Variants in DNAH6 observed in about 807,000 individuals in gnomAD.
DNAH6 encodes dynein axonemal heavy chain 6.
A neutral mutation model predicts 491.4 loss-of-function variants in DNAH6; 340 were observed. That is an observed-to-expected ratio of 0.69 (90% CI 0.63 to 0.76). The LOEUF is 0.76. Among genes scored for constraint, DNAH6 ranks in the 30% least tolerant of loss-of-function variants. The pLI, the probability that DNAH6 is intolerant of heterozygous loss-of-function variation, is 0.00. For missense variants in DNAH6, 4,443 were observed against 4,972.2 expected, an observed-to-expected ratio of 0.89 and a Z score of 3.20; for synonymous variants, 1,603 against 1,686.1, an observed-to-expected ratio of 0.95 and a Z score of 1.21.
At chr2:84,476,266 A>G in the DNAH6 span, among the ~76,000 whole-genome samples, 1 of 152,186 alleles carries the variant, frequency 6.6e-6, no homozygotes, top group Non-Finnish European at 1.5e-5. Context: ...TCCCTGCTGG[A>G]CTATAGTTAC....
chr2:84,464,982 G>A, the DNAH6 span, among the ~76,000 whole-genome samples: 27 of 152,042 alleles, frequency 1.8e-4, no homozygotes, highest in African/African-American at 6.0e-4. Context: ...CCTTTTATAA[G>A]AGAACCCTTA....
At chr2:84,642,743 T>C (rs1689541149) in intron 33 of DNAH6, among the ~76,000 whole-genome samples, 1 of 152,146 alleles carries the variant, frequency 6.6e-6, no homozygotes, top group Non-Finnish European at 1.5e-5. Flanking sequence ...AACAATCGTA[T>C]TTCTCCCTTC....
chr2:84,517,046 A>C (rs1675666402), intron 1 of DNAH6, among the ~76,000 whole-genome samples: 1 of 152,218 alleles, frequency 6.6e-6, no homozygotes, highest in Non-Finnish European at 1.5e-5. Flanking sequence ...TTGAAAATTA[A>C]AATTGCATAC....
At chr2:84,541,494 C>T (rs1028324025) in intron 4 of DNAH6, among the ~76,000 whole-genome samples, 1 of 152,112 alleles carries the variant, frequency 6.6e-6, no homozygotes, top group Non-Finnish European at 1.5e-5. Flanking sequence ...GCCATTGACA[C>T]ACACCATTAT....
rs991770968 is a variant in DNAH6, at chr2:84,793,981, A to T, written c.11240-2325A>T. Among the ~76,000 whole-genome samples the T allele has an allele frequency of 2.6e-5, 4 of 152,370 alleles. 1 individual carries two copies. Among genetic ancestry groups the T allele is most frequent in the Admixed American group, 6.5e-5 (1 of 15,312 alleles). ...ATGATACTGGTACCAAAACAGAGAT[A>T]TAGATCAATGGAACAGAACAGAGCC... On this transcript the variant is annotated intron_variant, in intron 68 of 76. Transcript: ENST00000389394.
At chr2:84,515,372 G>T (rs1373098526), upstream of DNAH6, among the ~76,000 whole-genome samples, 1 of 152,170 alleles carries the variant, frequency 6.6e-6, no homozygotes, top group Admixed American at 6.5e-5. Flanking sequence ...GCCTGACCTG[G>T]AGTAAAGCAC....
At chr2:84,560,116 C>A (rs1159992771) in intron 11 of DNAH6, among the ~76,000 whole-genome samples, 1 of 152,034 alleles carries the variant, frequency 6.6e-6, no homozygotes, top group Non-Finnish European at 1.5e-5. Context: ...GAGGATAGAG[C>A]AAACATTTAT....
In DNAH6 at chr2:84,637,338, AT is replaced by A. The variant is rs1368692592; in HGVS notation, c.4785del (p.Phe1595LeufsTer3). ...ATAATTTGAAAGCCCTGTTTAGACC[AT>A]TTGCGATGATGGTTCCAAATTATGC... is the stretch of plus-strand genomic sequence containing the variant. ...PDNLKALFRP[F>X]AMMVPNYALI... On this transcript the variant is annotated frameshift_variant, in exon 31 of 77. Transcript: ENST00000389394. LOFTEE classifies it high-confidence loss of function. 3 of 1,548,742 alleles carry A rather than the reference AT, an allele frequency of 1.9e-6. No individual in the cohort carries two copies. The highest frequency in any genetic ancestry group is 1.4e-5 in the African/African-American group (1 of 73,110).
At chr2:84,476,869 C>T in the DNAH6 span, among the ~76,000 whole-genome samples, 2 of 152,316 alleles carry the variant, frequency 1.3e-5, no homozygotes, top group African/African-American at 2.4e-5. Flanking sequence ...AGAATGTGTG[C>T]TTTCACTTTG....
chr2:84,762,623 T>C (rs939574931), intron 63 of DNAH6, 132 bp from the exon 64 acceptor site: 4 of 627,906 alleles, frequency 6.4e-6, no homozygotes, highest in Admixed American at 2.9e-5. Context: ...TATAAAAAGA[T>C]GTATACCCAA....
intron 64 of DNAH6, chr2:84,777,915 G>A (rs1676306198): frequency 2.6e-6 from 3 of 1,144,936 alleles, no homozygotes; most frequent in Non-Finnish European, 4.0e-6. Context: ...TTCACGTTAG[G>A]CTGGACCAAA....
At chr2:84,662,973 C>G (rs920011290) in intron 37 of DNAH6, among the ~76,000 whole-genome samples, 3 of 152,192 alleles carry the variant, frequency 2.0e-5, no homozygotes, top group African/African-American at 7.2e-5. Flanking sequence ...CCCAGGCAAA[C>G]AGGGTCTGGA....
At chr2:84,694,607 A>C (rs1695205843) in intron 46 of DNAH6, 127 bp downstream of exon 46, 2 of 636,180 alleles carry the variant, frequency 3.1e-6, no homozygotes, top group Non-Finnish European at 5.5e-6. Context: ...GATTTCCTGC[A>C]GCTTGTAAAA....
At chr2:84,663,387 T>C (rs973654646) in intron 37 of DNAH6, among the ~76,000 whole-genome samples, 6 of 152,078 alleles carry the variant, frequency 3.9e-5, no homozygotes, top group African/African-American at 1.4e-4. Flanking sequence ...ATAAACAGCA[T>C]GAAGAAGACC....
At chr2:84,738,511 A>G (rs1672217572) in intron 62 of DNAH6, among the ~76,000 whole-genome samples, 1 of 152,124 alleles carries the variant, frequency 6.6e-6, no homozygotes, top group Admixed American at 6.5e-5. Context: ...CTTGTTTTAT[A>G]AGTCTGGGTA....
chr2:84,516,425 G>GC, upstream of DNAH6: 1 of 152,346 alleles, frequency 6.6e-6, no homozygotes, highest in South Asian at 2.1e-4. Context: ...TTGAGGCGTT[G>GC]CCTGGCGACG....
chr2:84,740,620 G>A (rs1050947044), intron 62 of DNAH6, among the ~76,000 whole-genome samples: 2 of 152,128 alleles, frequency 1.3e-5, no homozygotes, highest in Non-Finnish European at 2.9e-5. Context: ...CTGCAGCAAG[G>A]GTTAGATCTC....
At chr2:84,573,837 A>C (rs1419112513) in intron 12 of DNAH6, among the ~76,000 whole-genome samples, 1 of 152,198 alleles carries the variant, frequency 6.6e-6, no homozygotes, top group African/African-American at 2.4e-5. Context: ...CTTATCATTT[A>C]GTTTAAAGTT....
intron 9 of DNAH6, among the ~76,000 whole-genome samples, chr2:84,550,467 C>T (rs139049177): frequency 3.2e-4 from 48 of 152,306 alleles, no homozygotes; most frequent in African/African-American, 1.1e-3. Context: ...AGTACCTGGT[C>T]CAAGGCCCGG....
Sources: allele counts gnomAD v4.1 joint callset (sites outside exome capture counted in the v4.1 genomes callset), GRCh38; gene constraint gnomAD v4.1.1; transcripts MANE v1.5; gene names NCBI Gene and HGNC (gene_info 2026-07-23, HGNC 2026-07-21).